ATRNL1: variants seen among roughly 807,000 people sequenced by gnomAD.
ATRNL1 encodes the protein attractin like 1.
A neutral mutation model predicts 182.7 loss-of-function variants in ATRNL1; 95 were observed. The ratio of observed to expected loss-of-function variants is 0.52; its 90% CI spans 0.44 to 0.62. The LOEUF (loss-of-function observed/expected upper bound fraction) is 0.62. Ranked by LOEUF, ATRNL1 falls within the 20% of genes least tolerant of loss-of-function variation. The pLI is 0.00. For synonymous variants in ATRNL1, 576 were observed against 568.3 expected (o/e 1.01, Z -0.19); for missense variants, 1,471 against 1,679.5 (o/e 0.88, Z 2.17).
intron 1 of ATRNL1, among the ~76,000 whole-genome samples, chr10:115,112,928 C>T (rs1844321750): frequency 6.6e-6 from 1 of 152,130 alleles, no homozygotes; most frequent in South Asian, 2.1e-4. Flanking sequence ...CCACTCGGAC[C>T]AGATTAACTA....
rs141219961 is a variant in ATRNL1 at position 115,233,757 on chromosome 10, GACTT to G, written c.1533-7809_1533-7806del. 8.1e-3 allele frequency among the ~76,000 whole-genome samples: 1,225 copies of G among 152,058 alleles called. 15 individuals carry two copies. Among genetic ancestry groups the G allele is most frequent in the African/African-American group, 0.028 (1,146 of 41,522 alleles). On this transcript the variant is annotated intron_variant, in intron 9 of 28. Coordinates refer to ENST00000355044, the MANE Select transcript of ATRNL1 (RefSeq NM_207303.4). ...TTTTGCCAAAGGCTGTTTTAGGAATGACTTACTTGATTTTTCTACTAAATAATTT... is the reference window on the plus strand; with the variant it reads ...TTTTGCCAAAGGCTGTTTTAGGAATGACTTGATTTTTCTACTAAATAATTT...
At chr10:115,943,471 A>G (rs1353416866) in intron 28 of ATRNL1, among the ~76,000 whole-genome samples, 3 of 152,224 alleles carry the variant, frequency 2.0e-5, no homozygotes, top group South Asian at 2.1e-4. Flanking sequence ...CAACTGCAAG[A>G]TACTGCCACA....
intron 8 of ATRNL1, among the ~76,000 whole-genome samples, chr10:115,201,709 T>C (rs2144308954): frequency 6.6e-6 from 1 of 152,250 alleles, no homozygotes; most frequent in Middle Eastern, 3.4e-3. Context: ...GACTTGGTGA[T>C]GCGGGCTCTT....
At chr10:115,676,967 A>C (rs367655932) in intron 26 of ATRNL1, among the ~76,000 whole-genome samples, 1 of 152,150 alleles carries the variant, frequency 6.6e-6, no homozygotes, top group Non-Finnish European at 1.5e-5. Flanking sequence ...ACAAATGCTT[A>C]AATTTCCTGA....
chr10:115,230,130 T>C (rs1554899630), intron 9 of ATRNL1, among the ~76,000 whole-genome samples: 1 of 152,242 alleles, frequency 6.6e-6, no homozygotes, highest in African/African-American at 2.4e-5. Context: ...AAATTGTTTA[T>C]CATTGTATGC....
intron 1 of ATRNL1, among the ~76,000 whole-genome samples, chr10:115,111,207 A>T (rs1345515849): frequency 6.6e-6 from 1 of 152,222 alleles, no homozygotes. Flanking sequence ...TTCCCTGATT[A>T]AAAAATGTTT....
At chr10:115,406,828 T>G (rs1375360368) in intron 20 of ATRNL1, among the ~76,000 whole-genome samples, 1 of 152,138 alleles carries the variant, frequency 6.6e-6, no homozygotes, top group Admixed American at 6.5e-5. Context: ...TGCCAATTTG[T>G]ATGTCTATAA....
chr10:115,380,758 T>C (rs1857952719), intron 19 of ATRNL1, among the ~76,000 whole-genome samples: 1 of 152,224 alleles, frequency 6.6e-6, no homozygotes. Context: ...AATTCAAATA[T>C]GGCTATATCA....
At chr10:115,573,405 T>G (rs1214714580) in intron 26 of ATRNL1, among the ~76,000 whole-genome samples, 1 of 151,808 alleles carries the variant, frequency 6.6e-6, no homozygotes, top group Non-Finnish European at 1.5e-5. Flanking sequence ...CACTTGCTGG[T>G]CTGCTCTGGA....
At chr10:115,419,987 G>T (rs1845577371) in intron 20 of ATRNL1, among the ~76,000 whole-genome samples, 1 of 150,626 alleles carries the variant, frequency 6.6e-6, no homozygotes, top group South Asian at 2.1e-4. Context: ...AACAGCACAT[G>T]TAACATTGTT....
At chr10:115,666,159 T>C (rs1860988855) in intron 26 of ATRNL1, among the ~76,000 whole-genome samples, 1 of 152,192 alleles carries the variant, frequency 6.6e-6, no homozygotes, top group African/African-American at 2.4e-5. Flanking sequence ...TTCTCAAGCC[T>C]CATATTCAGA....
intron 9 of ATRNL1, among the ~76,000 whole-genome samples, chr10:115,221,325 A>G (rs1849455885): frequency 6.6e-6 from 1 of 152,188 alleles, no homozygotes; most frequent in Admixed American, 6.5e-5. Flanking sequence ...AGTATTATGT[A>G]TCCACTGTAT....
chr10:115,096,765 A>G, intron 1 of ATRNL1: 7 of 1,268,862 alleles, frequency 5.5e-6, no homozygotes, highest in South Asian at 2.6e-5. Context: ...TTCTCTTAGC[A>G]TTGATTCCAG....
At chr10:115,185,221 AC>A (rs1847897139) in intron 8 of ATRNL1, among the ~76,000 whole-genome samples, 1 of 151,988 alleles carries the variant, frequency 6.6e-6, no homozygotes, top group Non-Finnish European at 1.5e-5. Context: ...AAGCTAAGAC[AC>A]CCCAGTAGTA....
intron 9 of ATRNL1, among the ~76,000 whole-genome samples, chr10:115,221,544 CCATGAGAATTTGT>C (rs1427785579): frequency 6.6e-6 from 1 of 152,060 alleles, no homozygotes; most frequent in African/African-American, 2.4e-5. Context: ...ACTATCAAAA[CCATGAGAATTTGT>C]CAGAGATTTA....
chr10:115,199,453 A>G (rs1361882650), intron 8 of ATRNL1, among the ~76,000 whole-genome samples: 3 of 152,078 alleles, frequency 2.0e-5, no homozygotes, highest in African/African-American at 7.2e-5. Flanking sequence ...AGTCCCAGCT[A>G]CTTGGGAGGC....
At chr10:115,678,692 A>G (rs1215164339) in intron 26 of ATRNL1, among the ~76,000 whole-genome samples, 1 of 152,118 alleles carries the variant, frequency 6.6e-6, no homozygotes, top group Non-Finnish European at 1.5e-5. Context: ...TTAAATCTTA[A>G]GTCAAATGCT....
At chr10:115,682,642 T>C (rs981211857) in intron 26 of ATRNL1, among the ~76,000 whole-genome samples, 1 of 152,038 alleles carries the variant, frequency 6.6e-6, no homozygotes, top group Non-Finnish European at 1.5e-5. Context: ...GTGCCCATTT[T>C]ATAGTAAACA....
chr10:115,872,930 C>T (rs1253258907), intron 28 of ATRNL1, among the ~76,000 whole-genome samples: 2 of 152,236 alleles, frequency 1.3e-5, no homozygotes, highest in East Asian at 1.9e-4. Flanking sequence ...TCAAGAATTA[C>T]AGCATAGCTG....
Sources: gnomAD v4.1 joint callset for allele counts (sites outside exome capture counted in the v4.1 genomes callset) on GRCh38, gnomAD v4.1.1 for gene constraint, MANE v1.5 for transcripts, NCBI Gene and HGNC (gene_info 2026-07-23, HGNC 2026-07-21) for gene names.